AGBL3: variants seen among roughly 807,000 people sequenced by gnomAD.
The protein encoded by AGBL3 is AGBL carboxypeptidase 3, also known as cytosolic carboxypeptidase 3.
AGBL3 carries 68 observed loss-of-function variants against 94.5 expected under a neutral mutation model. The observed-to-expected ratio is 0.72, with a 90% CI of 0.59 to 0.88. The LOEUF (loss-of-function observed/expected upper bound fraction) is 0.88. Ranked by LOEUF, AGBL3 falls within the 40% of genes least tolerant of loss-of-function variation. AGBL3 has a pLI of 0.00. For synonymous variants in AGBL3, 354 were observed against 370.7 expected (o/e 0.95, Z 0.52); for missense variants, 934 against 1,103.8 (o/e 0.85, Z 2.18).
intron 4 of AGBL3, among the ~76,000 whole-genome samples, chr7:135,005,319 T>C (rs1244729787): frequency 6.6e-6 from 1 of 151,760 alleles, no homozygotes; most frequent in Non-Finnish European, 1.5e-5. Flanking sequence ...ATGCATACAT[T>C]TGTGTAATCT....
At chr7:135,104,584 G>A (rs1585137786) in intron 15 of AGBL3, among the ~76,000 whole-genome samples, 1 of 151,984 alleles carries the variant, frequency 6.6e-6, no homozygotes, top group South Asian at 2.1e-4. Context: ...AACCTTGCCG[G>A]CATTTGTTAT....
chr7:134,998,122 C>A (rs1186156164), intron 4 of AGBL3, among the ~76,000 whole-genome samples: 1 of 152,152 alleles, frequency 6.6e-6, no homozygotes, highest in Non-Finnish European at 1.5e-5. Flanking sequence ...CAATGTTATA[C>A]TGTATCTGCA....
chr7:135,129,470 C>G, intron 16 of AGBL3: 1 of 774,672 alleles, frequency 1.3e-6, no homozygotes, highest in Non-Finnish European at 2.4e-6. Context: ...AGAAAAACTT[C>G]AAGAACTGAC....
chr7:135,014,556 C>T (rs999490256), intron 4 of AGBL3, among the ~76,000 whole-genome samples: 1 of 152,194 alleles, frequency 6.6e-6, no homozygotes, highest in Non-Finnish European at 1.5e-5. Context: ...TCCTTACCAA[C>T]TACTTAGGCT....
intron 5 of AGBL3, among the ~76,000 whole-genome samples, chr7:135,021,243 A>G (rs537522729): frequency 3.3e-5 from 5 of 151,416 alleles, no homozygotes; most frequent in Non-Finnish European, 5.9e-5. Flanking sequence ...TTGATATTCA[A>G]TCTTGTTATT....
At chr7:134,990,293 A>G (rs1387944896) in intron 3 of AGBL3, among the ~76,000 whole-genome samples, 1 of 152,180 alleles carries the variant, frequency 6.6e-6, no homozygotes, top group African/African-American at 2.4e-5. Context: ...CCAGGCAACC[A>G]GTGATTTGCG....
At chr7:135,128,848 T>C in intron 16 of AGBL3, 1 of 1,206,186 alleles carries the variant, frequency 8.3e-7, no homozygotes, top group Non-Finnish European at 1.2e-6. Flanking sequence ...GTGGAATCAT[T>C]GTTAAATATG....
intron 4 of AGBL3, among the ~76,000 whole-genome samples, chr7:135,000,032 G>A (rs1811517557): frequency 6.6e-6 from 1 of 152,230 alleles, no homozygotes. Flanking sequence ...CAGTGGAAAA[G>A]AGACCTCCTG....
At chr7:134,987,412 A>C (rs1809607265) in intron 1 of AGBL3, among the ~76,000 whole-genome samples, 1 of 152,254 alleles carries the variant, frequency 6.6e-6, no homozygotes, top group Non-Finnish European at 1.5e-5. Context: ...AATGAATATT[A>C]GAACAGACAG....
At chr7:135,088,864 T>A (rs1821545532) in intron 15 of AGBL3, among the ~76,000 whole-genome samples, 1 of 152,230 alleles carries the variant, frequency 6.6e-6, no homozygotes, top group South Asian at 2.1e-4. Context: ...TTTTTCCAGT[T>A]AAGTCTATTT....
chr7:135,046,325 C>G (rs1404931046), intron 11 of AGBL3, among the ~76,000 whole-genome samples: 1 of 152,038 alleles, frequency 6.6e-6, no homozygotes, highest in East Asian at 1.9e-4. Context: ...AGTGACATGT[C>G]TTTATCATCC....
intron 8 of AGBL3, among the ~76,000 whole-genome samples, chr7:135,040,071 G>T (rs999187590): frequency 1.3e-5 from 2 of 151,802 alleles, no homozygotes; most frequent in Non-Finnish European, 2.9e-5. Context: ...GACAATAAGG[G>T]GAAATTCAAT....
chr7:135,132,230 T>A (rs1389751011), intron 16 of AGBL3, among the ~76,000 whole-genome samples: 2 of 152,236 alleles, frequency 1.3e-5, no homozygotes, highest in Non-Finnish European at 2.9e-5. Flanking sequence ...CAGAATAAGA[T>A]TTTGCATAAA....
intron 3 of AGBL3, among the ~76,000 whole-genome samples, chr7:134,989,820 C>G (rs949891670): frequency 6.7e-6 from 1 of 149,452 alleles, no homozygotes; most frequent in Non-Finnish European, 1.5e-5. Context: ...GAGTTAAGGC[C>G]TTTATCTTTT....
chr7:135,046,199 C>T (rs1372605901), intron 11 of AGBL3, among the ~76,000 whole-genome samples: 2 of 151,880 alleles, frequency 1.3e-5, no homozygotes, highest in African/African-American at 4.8e-5. Context: ...TTTTAATAGA[C>T]TTTATTTTAG....
At chr7:135,096,545 A>G in intron 15 of AGBL3, among the ~76,000 whole-genome samples, 4 of 85,684 alleles carry the variant, frequency 4.7e-5, no homozygotes, top group African/African-American at 8.4e-5. Flanking sequence ...AAAGAAAAAG[A>G]AAGAAAGAAA....
intron 15 of AGBL3, among the ~76,000 whole-genome samples, chr7:135,082,164 A>G (rs747580612): frequency 5.9e-5 from 9 of 152,208 alleles, no homozygotes; most frequent in Non-Finnish European, 1.3e-4. Context: ...TACTTTCAAT[A>G]AACTTTAACA....
At chr7:135,045,629 G>A in intron 10 of AGBL3, 55 bp downstream of exon 10, 1 of 1,466,468 alleles carries the variant, frequency 6.8e-7, no homozygotes, top group South Asian at 1.2e-5. Context: ...GATAACATAA[G>A]CTGACTATGG....
intron 15 of AGBL3, among the ~76,000 whole-genome samples, chr7:135,109,979 G>A (rs1825376646): frequency 6.6e-6 from 1 of 152,228 alleles, no homozygotes; most frequent in African/African-American, 2.4e-5. Flanking sequence ...TCTGCCCATT[G>A]AGGAGAAGCA....
Sources: allele counts gnomAD v4.1 joint callset (sites outside exome capture counted in the v4.1 genomes callset), GRCh38; gene constraint gnomAD v4.1.1; transcripts MANE v1.5; gene names NCBI Gene and HGNC (gene_info 2026-07-23, HGNC 2026-07-21).